The following RNF130 variants were observed in gnomAD, a reference collection of about 807,000 sequenced individuals.
RNF130 encodes ring finger protein 130, also known as E3 ubiquitin-protein ligase RNF130.
RNF130 carries 21 observed loss-of-function variants against 44.6 expected under a neutral mutation model. That is an observed-to-expected ratio of 0.47 (90% CI 0.33 to 0.68). The LOEUF (loss-of-function observed/expected upper bound fraction) is 0.68, where lower values mean the gene tolerates loss of function less well. Ranked by LOEUF, RNF130 falls within the 30% of genes least tolerant of loss-of-function variation. The pLI is 0.02. For missense variants in RNF130, 479 were observed against 560.6 expected (o/e 0.85, Z 1.47); for synonymous variants, 214 against 210.4 (o/e 1.02, Z -0.15).
downstream of RNF130, among the ~76,000 whole-genome samples, chr5:179,950,466 A>G (rs554243804): frequency 9.2e-5 from 14 of 152,324 alleles, no homozygotes; most frequent in African/African-American, 3.4e-4. Flanking sequence ...TAGGAACAAA[A>G]ATACATGTTT....
chr5:180,027,623 C>T (rs553493793), intron 2 of RNF130, among the ~76,000 whole-genome samples: 2 of 152,136 alleles, frequency 1.3e-5, no homozygotes, highest in African/African-American at 4.8e-5. Context: ...ACCACTGTCC[C>T]TCTCATCCTG....
chr5:179,932,431 T>C (rs1761822122), intron 7 of RNF130, among the ~76,000 whole-genome samples: 1 of 151,994 alleles, frequency 6.6e-6, no homozygotes. Flanking sequence ...CTGATTTTTC[T>C]GTATTTTTAG....
intron 1 of RNF130, among the ~76,000 whole-genome samples, chr5:180,066,781 C>T (rs375747978): frequency 4.0e-5 from 6 of 151,806 alleles, no homozygotes; most frequent in East Asian, 3.9e-4. Flanking sequence ...TGCGGTGAGC[C>T]GAGATCGCGC....
intron 2 of RNF130, among the ~76,000 whole-genome samples, chr5:180,039,609 A>C (rs1489240017): frequency 6.6e-6 from 1 of 152,216 alleles, no homozygotes; most frequent in Non-Finnish European, 1.5e-5. Context: ...GGGAAGTACC[A>C]ACGACTCTCA....
At chr5:180,036,700 C>T (rs542086773) in intron 2 of RNF130, among the ~76,000 whole-genome samples, 10 of 152,254 alleles carry the variant, frequency 6.6e-5, no homozygotes, top group African/African-American at 1.2e-4. Flanking sequence ...TCGTCTTAAC[C>T]GGAAGTGCTA....
intron 8 of RNF130, among the ~76,000 whole-genome samples, chr5:179,962,802 C>A (rs376740630): frequency 6.6e-6 from 1 of 152,152 alleles, no homozygotes; most frequent in Non-Finnish European, 1.5e-5. Context: ...GCCTACATTC[C>A]CAGTCCTGAG....
intron 8 of RNF130, among the ~76,000 whole-genome samples, chr5:179,959,999 C>T (rs781543111): frequency 1.3e-4 from 20 of 152,146 alleles, no homozygotes; most frequent in Non-Finnish European, 2.6e-4. Flanking sequence ...CTAGTCACGC[C>T]TCCCACTAAA....
chr5:179,918,476 T>C (rs1393343375), exon 8 of RNF130: 1 of 152,206 alleles, frequency 6.6e-6, no homozygotes, highest in South Asian at 2.1e-4. Flanking sequence ...TGATCCGAAC[T>C]GAGCTCTCCT....
intron 1 of RNF130, among the ~76,000 whole-genome samples, chr5:180,069,595 A>G (rs1286724775): frequency 6.6e-6 from 1 of 152,224 alleles, no homozygotes; most frequent in Non-Finnish European, 1.5e-5. Flanking sequence ...AGATTCCTCT[A>G]GGTTAACAAA....
At chr5:179,954,650 C>T (rs1263017705), downstream of RNF130, among the ~76,000 whole-genome samples, 1 of 152,188 alleles carries the variant, frequency 6.6e-6, no homozygotes. Flanking sequence ...GGTTGCACAA[C>T]TGTGTGACTA....
At chr5:179,943,581 T>G (rs946197986) in intron 7 of RNF130, among the ~76,000 whole-genome samples, 1 of 152,224 alleles carries the variant, frequency 6.6e-6, no homozygotes, top group Non-Finnish European at 1.5e-5. Flanking sequence ...ATGTATACTT[T>G]CACAACAACC....
chr5:179,978,994 C>G (rs1310496392), intron 4 of RNF130, among the ~76,000 whole-genome samples: 1 of 152,126 alleles, frequency 6.6e-6, no homozygotes, highest in Non-Finnish European at 1.5e-5. Context: ...GTCACTTGGA[C>G]TGAAACTCAG....
rs140313350 is a variant in RNF130, at chr5:179,981,463, A to T, written c.694-1263T>A. Among the ~76,000 whole-genome samples the T allele has an allele frequency of 1.3e-3, 198 of 152,386 alleles. 1 individual carries two copies. The highest frequency in any genetic ancestry group is 4.4e-3 in the African/African-American group (185 of 41,588). ...ATTTAGGGGAAAGTTTTAAACACAC[A>T]AAAGAACAGAGAATGATTTAATAAA... On this transcript the variant is annotated intron_variant, in intron 3 of 8. Coordinates refer to ENST00000521389, the MANE Select transcript of RNF130 (RefSeq NM_018434.6).
In RNF130 at chr5:179,934,110, C is replaced by T. The variant is rs541010030; in HGVS notation, c.1151-13684G>A. 593 of 254,116 alleles carry T rather than the reference C, an allele frequency of 2.3e-3. 3 individuals carry two copies. Among genetic ancestry groups the T allele is most frequent in the Non-Finnish European group, 3.1e-3 (404 of 130,342 alleles). The allele number at this position is 254,116 out of a possible 1,614,324, so 15.7% of individuals were successfully genotyped here. On this transcript the variant is annotated intron_variant, in intron 7 of 7. Transcript: ENST00000522208. ...GAAACCGGAAGACGACTTTGAAGCA[C>T]GGCCTAATAAGAACCTGGTGTTTGC...
intron 5 of RNF130, among the ~76,000 whole-genome samples, chr5:179,974,761 C>A (rs372874623): frequency 6.6e-6 from 1 of 152,200 alleles, no homozygotes; most frequent in African/African-American, 2.4e-5. Flanking sequence ...GAGATGCCGG[C>A]GAGTGGAGAC....
chr5:179,965,709 G>A (rs1355883379), intron 7 of RNF130, among the ~76,000 whole-genome samples: 1 of 152,160 alleles, frequency 6.6e-6, no homozygotes, highest in African/African-American at 2.4e-5. Context: ...TGAGAAATGA[G>A]CCAAACTACA....
In RNF130 at chr5:180,037,184, T is replaced by C. The variant is rs115758113; in HGVS notation, c.442+3269A>G. ...CTATGACAGATGCAGGTGTTTTCAA[T>C]AATCTGCTGTTACAATGCTGTAACA... On this transcript the variant is annotated intron_variant, in intron 2 of 8. Coordinates refer to ENST00000521389, the MANE Select transcript of RNF130 (RefSeq NM_018434.6). Among the ~76,000 whole-genome samples, 559 of 152,346 alleles carry C rather than the reference T, an allele frequency of 3.7e-3. 2 individuals are homozygous for C. Among genetic ancestry groups the C allele is most frequent in the Middle Eastern group, 0.01 (3 of 294 alleles).
chr5:180,022,534 A>G (rs545738808), intron 2 of RNF130, among the ~76,000 whole-genome samples: 2 of 152,342 alleles, frequency 1.3e-5, no homozygotes, highest in East Asian at 3.9e-4. Context: ...GCATGACACT[A>G]ACATCTCCTT....
intron 5 of RNF130, among the ~76,000 whole-genome samples, chr5:179,971,564 T>A (rs1467292642): frequency 1.3e-5 from 2 of 151,988 alleles, no homozygotes; most frequent in African/African-American, 2.4e-5. Flanking sequence ...AGAGACGGGG[T>A]TTCACCATGT....
Sources: allele counts gnomAD v4.1 joint callset (sites outside exome capture counted in the v4.1 genomes callset), GRCh38; gene constraint gnomAD v4.1.1; transcripts MANE v1.5; gene names NCBI Gene and HGNC (gene_info 2026-07-23, HGNC 2026-07-21).